Variants in PRICKLE1 observed in about 807,000 individuals in gnomAD.
PRICKLE1 encodes the protein prickle planar cell polarity protein 1.
A neutral mutation model predicts 70.2 loss-of-function variants in PRICKLE1; 14 were observed. The ratio of observed to expected loss-of-function variants is 0.20; its 90% CI spans 0.13 to 0.31. The LOEUF is 0.31. PRICKLE1 is among the 10% of genes least tolerant of loss of function. The pLI is 1.00. For synonymous variants in PRICKLE1, 357 were observed against 379.9 expected (o/e 0.94, Z 0.70); for missense variants, 821 against 1,026.2 (o/e 0.80, Z 2.73).
intron 1 of PRICKLE1, among the ~76,000 whole-genome samples, chr12:42,531,926 A>G (rs1371938311): frequency 1.3e-5 from 2 of 152,186 alleles, no homozygotes; most frequent in East Asian, 3.8e-4. Flanking sequence ...AGGAGGCCGA[A>G]GTGGGAAGAT....
At chr12:42,567,047 A>G (rs1592035145) in intron 1 of PRICKLE1, among the ~76,000 whole-genome samples, 1 of 152,208 alleles carries the variant, frequency 6.6e-6, no homozygotes, top group East Asian at 1.9e-4. Context: ...AACTGGGCTC[A>G]TGGGGGATCA....
intron 1 of PRICKLE1, among the ~76,000 whole-genome samples, chr12:42,505,647 G>T (rs537096087): frequency 6.6e-6 from 1 of 152,098 alleles, no homozygotes; most frequent in Non-Finnish European, 1.5e-5. Flanking sequence ...TATTGGTCAG[G>T]CTGGTCTGAA....
At chr12:42,515,481 A>G (rs1330693230) in intron 1 of PRICKLE1, among the ~76,000 whole-genome samples, 1 of 151,980 alleles carries the variant, frequency 6.6e-6, no homozygotes, top group African/African-American at 2.4e-5. Context: ...CGGGTGATCC[A>G]CCCGTCTCCC....
chr12:42,542,920 G>A (rs1940141830), intron 1 of PRICKLE1, among the ~76,000 whole-genome samples: 1 of 152,172 alleles, frequency 6.6e-6, no homozygotes, highest in African/African-American at 2.4e-5. Context: ...GGTTCTAGGA[G>A]GTGGGCGATT....
intron 1 of PRICKLE1, among the ~76,000 whole-genome samples, chr12:42,522,656 T>C (rs1181883522): frequency 6.6e-6 from 1 of 152,244 alleles, no homozygotes; most frequent in Admixed American, 6.5e-5. Context: ...TTTTCCTTAG[T>C]ATCCTATGTG....
chr12:42,551,054 G>A (rs1175357507), intron 1 of PRICKLE1, among the ~76,000 whole-genome samples: 1 of 152,154 alleles, frequency 6.6e-6, no homozygotes, highest in African/African-American at 2.4e-5. Context: ...AAGCCTTATT[G>A]AGGAAGCCTG....
chr12:42,470,300 T>C lies in PRICKLE1; in HGVS notation c.192A>G (p.Gly64=), dbSNP rs1482611705. The C allele has an allele frequency of 6.2e-7, 1 of 1,614,166 alleles. No homozygotes were observed. The highest frequency in any genetic ancestry group is 1.7e-5 in the Admixed American group (1 of 60,022). ...EEKVPYVNSP[G]EKHRIKQLLY... ...AAAGCTGTTTAATCCGATGCTTCTCTCCGGGGCTGTTAACGTAAGGAACTT... is the reference window on the plus strand; with the variant it reads ...AAAGCTGTTTAATCCGATGCTTCTCCCCGGGGCTGTTAACGTAAGGAACTT... Residue 64 remains glycine, a synonymous_variant, in exon 3 of 8, where the codon GGA becomes GGG. Coordinates refer to ENST00000345127, the MANE Select transcript of PRICKLE1 (RefSeq NM_153026.3).
Position 42,553,466 on chromosome 12 carries a change from T to C in PRICKLE1, c.-49+35999A>G, listed in dbSNP as rs145582372. 9.0e-4 allele frequency among the ~76,000 whole-genome samples: 107 copies of C among 118,868 alleles called. No homozygotes were observed. The East Asian group carries it at 0.021, about 23-fold the overall frequency. 78.0% of individuals were successfully genotyped at this position (118,868 alleles called of 152,430 possible). On this transcript the variant is annotated intron_variant, in intron 1 of 7. Coordinates refer to ENST00000345127, the MANE Select transcript of PRICKLE1 (RefSeq NM_153026.3). ...CTCAAAAAAAAAAAAACTGTTTTTC[T>C]CCAAACAATAAGTCCATTGTGTTGT...
At chr12:42,549,707 C>T (rs1940279391) in intron 1 of PRICKLE1, among the ~76,000 whole-genome samples, 1 of 152,142 alleles carries the variant, frequency 6.6e-6, no homozygotes, top group Non-Finnish European at 1.5e-5. Flanking sequence ...CTAATCTATC[C>T]ATACACCACA....
chr12:42,480,295 T>C (rs1011817265), intron 1 of PRICKLE1, among the ~76,000 whole-genome samples: 6 of 152,176 alleles, frequency 3.9e-5, no homozygotes, highest in Admixed American at 3.3e-4. Context: ...TTGAAAAAGT[T>C]TGTCTAAAAG....
rs899193474 is a variant in PRICKLE1 at position 42,570,453 on chromosome 12, A to C, written c.-49+19012T>G. Among the ~76,000 whole-genome samples the C allele has an allele frequency of 3.9e-5, 6 of 152,224 alleles. No individual in the cohort carries two copies. The South Asian group carries it at 1.2e-3, about 32-fold the overall frequency. ...AAACACCTAGTTTATTCATAAGTAA[A>C]AAAAATCCTTTAGGAAAGTTCTTTC... is the stretch of plus-strand genomic sequence containing the variant. On this transcript the variant is annotated intron_variant, in intron 1 of 7. Transcript: ENST00000345127.
intron 1 of PRICKLE1, among the ~76,000 whole-genome samples, chr12:42,509,969 A>C (rs111579273): frequency 0.035 from 5,383 of 151,780 alleles, 285 homozygotes; most frequent in African/African-American, 0.11. Flanking sequence ...GCTACTCAGG[A>C]GGCTGATGCA....
intron 1 of PRICKLE1, among the ~76,000 whole-genome samples, chr12:42,537,088 A>G (rs146277272): frequency 6.6e-6 from 1 of 152,200 alleles, no homozygotes; most frequent in African/African-American, 2.4e-5. Context: ...ACCTCACTCA[A>G]CACAAATATG....
chr12:42,525,386 A>C (rs1190926893), intron 1 of PRICKLE1, among the ~76,000 whole-genome samples: 1 of 152,152 alleles, frequency 6.6e-6, no homozygotes, highest in African/African-American at 2.4e-5. Flanking sequence ...AGTCAAACCC[A>C]AGGAGAGGGT....
At position 42,564,733 on chromosome 12, in the gene PRICKLE1, T is replaced by C. The variant is rs1940593735; in HGVS notation, c.-49+24732A>G. Among the ~76,000 whole-genome samples, 3 of 152,246 alleles carry C rather than the reference T, an allele frequency of 2.0e-5. No individual in the cohort carries two copies. The South Asian group carries it at 6.2e-4, about 31-fold the overall frequency. ...TTTGGAAGACTTAGTTCTAAAAGAATGTAGTTATTATTATTTTTTGGGGTC... is the reference window on the plus strand; with the variant it reads ...TTTGGAAGACTTAGTTCTAAAAGAACGTAGTTATTATTATTTTTTGGGGTC... On this transcript the variant is annotated intron_variant, in intron 1 of 7. Coordinates refer to ENST00000345127, the MANE Select transcript of PRICKLE1 (RefSeq NM_153026.3).
rs936754427 is a variant in PRICKLE1 at position 42,568,913 on chromosome 12, C to CA, written c.-49+20551dup. Among the ~76,000 whole-genome samples, 606 of 150,976 alleles carry CA rather than the reference C, an allele frequency of 4.0e-3. 3 individuals carry two copies. Among genetic ancestry groups the CA allele is most frequent in the African/African-American group, 0.013 (541 of 41,148 alleles). The stretch of plus-strand genomic sequence containing the variant: ...TTGATAGAAAAATGATAAGCAGAAA[C>CA]AAAAAAAAATCCATAATCCATAGTC... On this transcript the variant is annotated intron_variant, in intron 1 of 7. Transcript: ENST00000345127.
At chr12:42,563,759 CAA>C (rs1394079167) in intron 1 of PRICKLE1, among the ~76,000 whole-genome samples, 1 of 123,016 alleles carries the variant, frequency 8.1e-6, no homozygotes, top group African/African-American at 3.0e-5. Flanking sequence ...ATCTGCAAGA[CAA>C]AGAAAAATCC....
chr12:42,473,347 G>C (rs151329987), intron 1 of PRICKLE1, among the ~76,000 whole-genome samples: 171 of 152,300 alleles, frequency 1.1e-3, no homozygotes, highest in African/African-American at 4.0e-3. Flanking sequence ...TGCAGTCAGT[G>C]CCTAGTATGT....
chr12:42,519,959 C>T (rs568504677), intron 1 of PRICKLE1, among the ~76,000 whole-genome samples: 116 of 152,288 alleles, frequency 7.6e-4, no homozygotes, highest in African/African-American at 2.7e-3. Flanking sequence ...AGATGCGAGC[C>T]ATTGCACTTG....
Sources: gnomAD v4.1 joint callset for allele counts (sites outside exome capture counted in the v4.1 genomes callset) on GRCh38, gnomAD v4.1.1 for gene constraint, MANE v1.5 for transcripts, NCBI Gene and HGNC (gene_info 2026-07-23, HGNC 2026-07-21) for gene names.